Variants in TMEM245 observed in about 807,000 individuals in gnomAD.
TMEM245 encodes the protein protein CG-2.
In TMEM245, 69 loss-of-function variants were observed where a neutral mutation model predicts 101.2. The ratio of observed to expected loss-of-function variants is 0.68; its 90% CI spans 0.56 to 0.83. TMEM245 has a LOEUF of 0.83. Ranked by LOEUF, TMEM245 falls within the 40% of genes least tolerant of loss-of-function variation. The pLI, the probability that TMEM245 is intolerant of heterozygous loss-of-function variation, is 0.00. For synonymous variants in TMEM245, 537 were observed against 449.8 expected, an observed-to-expected ratio of 1.19 and a Z score of -2.45; for missense variants, 1,075 against 1,092.8, an observed-to-expected ratio of 0.98 and a Z score of 0.23.
In TMEM245 at chr9:109,048,659, T is replaced by C. The variant is rs1828576582; in HGVS notation, c.2123+1624A>G. Reference sequence around the variant, plus strand: ...GTAGTTGAGTCTTGTTAATGAGGAATGATGACAGGGATTACAGGAGGGGCT... The same window carrying C: ...GTAGTTGAGTCTTGTTAATGAGGAACGATGACAGGGATTACAGGAGGGGCT... On this transcript the variant is annotated intron_variant, in intron 14 of 17. Coordinates refer to ENST00000374586, the MANE Select transcript of TMEM245 (RefSeq NM_032012.4). Among the ~76,000 whole-genome samples the C allele has an allele frequency of 2.6e-5, 4 of 152,240 alleles. No individual in the cohort carries two copies. In the South Asian group the frequency reaches 8.3e-4, roughly 32 times the overall value.
chr9:109,074,950 C>A (rs893778158), intron 8 of TMEM245, among the ~76,000 whole-genome samples: 7 of 152,192 alleles, frequency 4.6e-5, no homozygotes, highest in Non-Finnish European at 5.9e-5. Context: ...TAAGGCCTGA[C>A]ACGTTCTTGT....
chr9:109,119,656 C>G lies in TMEM245; in HGVS notation c.258G>C (p.Trp86Cys), dbSNP rs1466905917. ...ILEAFLRPLLWAVLCGTFLHP... is the reference protein window; with the variant it reads ...ILEAFLRPLLCAVLCGTFLHP... ...GCAGAAAAGTGCCGCATAGCACGGC[C>G]CAGAGCAGCGGCCGCAGGAAGGCCT... Residue 86 changes from tryptophan (W) to cysteine (C), a missense_variant, in exon 1 of 18, where the codon TGG becomes TGC. This residue lies in a region of TMEM245 where 808 missense variants were observed against 741.5 expected (regional missense o/e 1.09). Coordinates refer to ENST00000374586, the MANE Select transcript of TMEM245 (RefSeq NM_032012.4). 6.4e-7 allele frequency: 1 copy of G among 1,557,460 alleles called. No individual in the cohort carries two copies. Among genetic ancestry groups the G allele is most frequent in the Non-Finnish European group, 8.7e-7 (1 of 1,153,334 alleles).
chr9:109,031,585 G>A (rs959279458), intron 17 of TMEM245, among the ~76,000 whole-genome samples: 1 of 152,160 alleles, frequency 6.6e-6, no homozygotes, highest in African/African-American at 2.4e-5. Context: ...AGTGACTATG[G>A]TTAGAGTATC....
At chr9:109,116,067 A>C (rs1048484336) in intron 1 of TMEM245, among the ~76,000 whole-genome samples, 1 of 152,162 alleles carries the variant, frequency 6.6e-6, no homozygotes, top group African/African-American at 2.4e-5. Flanking sequence ...AAAAGAACCT[A>C]ATCTAGTGCC....
At chr9:109,095,309 C>G (rs1830110207) in intron 3 of TMEM245, among the ~76,000 whole-genome samples, 1 of 152,122 alleles carries the variant, frequency 6.6e-6, no homozygotes, top group South Asian at 2.1e-4. Flanking sequence ...AAGACACAGA[C>G]CCTGCCCCCA....
rs150059296 is a variant in TMEM245, at chr9:109,084,044, A to G, written c.1344+1953T>C. 8.1e-3 allele frequency among the ~76,000 whole-genome samples: 1,220 copies of G among 150,124 alleles called. 28 individuals carry two copies. The highest frequency in any genetic ancestry group is 0.028 in the African/African-American group (1,162 of 40,912). On this transcript the variant is annotated intron_variant, in intron 7 of 17. Coordinates refer to ENST00000374586, the MANE Select transcript of TMEM245 (RefSeq NM_032012.4). Reference sequence around the variant, plus strand: ...TAGTGAGTCAAGATCACGTCGCTGCACTCCAGCCTGGGTGACAGAGTGAGA... The same window carrying G: ...TAGTGAGTCAAGATCACGTCGCTGCGCTCCAGCCTGGGTGACAGAGTGAGA...
intron 1 of TMEM245, among the ~76,000 whole-genome samples, chr9:109,117,025 A>G (rs1365454798): frequency 6.6e-6 from 1 of 151,600 alleles, no homozygotes; most frequent in Non-Finnish European, 1.5e-5. Flanking sequence ...CTTAACTCAT[A>G]CTTTTATGTT....
intron 8 of TMEM245, among the ~76,000 whole-genome samples, chr9:109,076,755 A>G (rs1480879114): frequency 1.3e-5 from 2 of 152,184 alleles, no homozygotes; most frequent in African/African-American, 4.8e-5. Context: ...CAGTGGTGCA[A>G]TCACGGCTCA....
Position 109,091,022 on chromosome 9 carries a change from T to C in TMEM245, c.1050A>G (p.Lys350=). The C allele has an allele frequency of 6.2e-7, 1 of 1,614,166 alleles. No individual in the cohort carries two copies. The highest frequency in any genetic ancestry group is 1.1e-5 in the South Asian group (1 of 91,076). Residue 350 remains lysine, a synonymous_variant, in exon 5 of 18, where the codon AAA becomes AAG. Transcript: ENST00000374586. ...PEIGTFLRKK[K]TSDIYFVSLV... ...GAGACACAAAGTAGATGTCACTAGT[T>C]TTCTTCTTTCTAAGAAACGTTCCTA... is the stretch of plus-strand genomic sequence containing the variant.
rs1218758462 is a variant in TMEM245, at chr9:109,037,912, A to T, written c.2224+105T>A. On this transcript the variant is annotated intron_variant, in intron 15 of 17. Coordinates refer to ENST00000374586, the MANE Select transcript of TMEM245 (RefSeq NM_032012.4). The stretch of plus-strand genomic sequence containing the variant: ...GACTAGATTCGATCTCAAGCCAAAA[A>T]ATTTAGTTTTTTAAACTTGAGGAAG... The T allele has an allele frequency of 3.5e-6, 3 of 864,756 alleles. No homozygotes were observed. The East Asian group carries it at 8.0e-5, about 23-fold the overall frequency. The allele number at this position is 864,756 out of a possible 1,614,324, so 53.6% of individuals were successfully genotyped here. A position where few individuals can be genotyped will look rare whatever the true frequency, so the allele number is the denominator to read the frequency against.
rs1827588898 is a variant in TMEM245 at position 109,020,512 on chromosome 9, GA to G, written c.2595-8del. ...AGAAATGTCACGGAAAGTCCTAAAA[GA>G]AAAAAAGACGGAATGATTAGTTGAT... On this transcript the variant is annotated splice_polypyrimidine_tract_variant and splice_region_variant and intron_variant, in intron 17 of 17. Transcript: ENST00000374586. The G allele has an allele frequency of 2.5e-6, 4 of 1,612,118 alleles. No individual in the cohort carries two copies. In the African/African-American group the frequency reaches 4.0e-5, roughly 16 times the overall value.
At chr9:109,061,575 C>CT (rs1056907640) in intron 10 of TMEM245, among the ~76,000 whole-genome samples, 19 of 151,270 alleles carry the variant, frequency 1.3e-4, no homozygotes, top group Non-Finnish European at 2.1e-4. Context: ...ATAAATCCTT[C>CT]TTTTTTTTTG....
chr9:109,102,997 C>A (rs1416065908), intron 3 of TMEM245, among the ~76,000 whole-genome samples: 1 of 152,204 alleles, frequency 6.6e-6, no homozygotes, highest in Non-Finnish European at 1.5e-5. Context: ...TCATTAGAGA[C>A]CTCTACCTTT....
intron 12 of TMEM245, among the ~76,000 whole-genome samples, chr9:109,056,488 T>C (rs2583071): frequency 0.93 from 137,767 of 147,816 alleles, 64,294 homozygotes; most frequent in East Asian, 1. Context: ...TGGTGGGGCA[T>C]GCCCGTAATC....
Position 109,016,405 on chromosome 9 carries a change from A to C in TMEM245, c.*4055T>G, listed in dbSNP as rs1346077558. On this transcript the variant is annotated 3_prime_UTR_variant, in exon 18 of 18. Coordinates refer to ENST00000374586, the MANE Select transcript of TMEM245 (RefSeq NM_032012.4). ...ACCATGAAGAAAAGGAAAGAGAAGT[A>C]GAACAACGGACTGACAGAAAAAAAA... The C allele has an allele frequency of 6.6e-6, 1 of 151,594 alleles. No individual in the cohort carries two copies. The highest frequency in any genetic ancestry group is 1.9e-4 in the East Asian group (1 of 5,136). 9.4% of individuals were successfully genotyped at this position (151,594 alleles called of 1,614,324 possible). A position where few individuals can be genotyped will look rare whatever the true frequency, so the allele number is the denominator to read the frequency against.
chr9:109,090,463 C>T (rs1466433031), intron 5 of TMEM245, among the ~76,000 whole-genome samples: 1 of 151,966 alleles, frequency 6.6e-6, no homozygotes, highest in Non-Finnish European at 1.5e-5. Context: ...TGGCTCACAC[C>T]TATAATCCCA....
At chr9:109,110,663 T>A (rs1830544925) in intron 1 of TMEM245, among the ~76,000 whole-genome samples, 1 of 152,108 alleles carries the variant, frequency 6.6e-6, no homozygotes, top group Non-Finnish European at 1.5e-5. Context: ...GATGAAAGAC[T>A]AGAGGCACAA....
At position 109,091,058 on chromosome 9, in the gene TMEM245, T is replaced by C. The variant is rs1310283810; in HGVS notation, c.1014A>G (p.Arg338=). The C allele has an allele frequency of 6.2e-7, 1 of 1,614,148 alleles. No individual in the cohort carries two copies. The highest frequency in any genetic ancestry group is 1.3e-5 in the African/African-American group (1 of 75,046). Residue 338 remains arginine, a synonymous_variant, in exon 5 of 18, where the codon CGA becomes CGG. Transcript: ENST00000374586. ...TAAGAAACGTTCCTATTTCAGGCCT[T>C]CGTCTGCCCAGAGTAGGTGAAGGGG... ...PTSPSPTLGR[R]RPEIGTFLRK... is the part of the protein sequence containing the mutation.
chr9:109,031,630 G>A (rs1322694320), intron 17 of TMEM245, among the ~76,000 whole-genome samples: 1 of 152,162 alleles, frequency 6.6e-6, no homozygotes, highest in Non-Finnish European at 1.5e-5. Context: ...AGGAGGCAGG[G>A]AGAAGCCTTC....
Sources: allele counts gnomAD v4.1 joint callset (sites outside exome capture counted in the v4.1 genomes callset), GRCh38; gene constraint gnomAD v4.1.1; regional missense constraint gnomAD v4.1.1; transcripts MANE v1.5; gene names NCBI Gene and HGNC (gene_info 2026-07-23, HGNC 2026-07-21).